The following TMEM131 variants were observed in gnomAD, a reference collection of about 807,000 sequenced individuals.
The protein encoded by TMEM131 is transmembrane protein 131.
TMEM131 carries 66 observed loss-of-function variants against 211.6 expected under a neutral mutation model. The ratio of observed to expected loss-of-function variants is 0.31; its 90% CI spans 0.26 to 0.38. The LOEUF (loss-of-function observed/expected upper bound fraction) is 0.38. TMEM131 is among the 10% of genes least tolerant of loss of function. TMEM131 has a pLI of 1.00. For synonymous variants in TMEM131, 844 were observed against 841.3 expected, an observed-to-expected ratio of 1.00 and a Z score of -0.06; for missense variants, 2,036 against 2,299.3, an observed-to-expected ratio of 0.89 and a Z score of 2.34.
intron 1 of TMEM131, among the ~76,000 whole-genome samples, chr2:97,937,174 A>G (rs1413557180): frequency 1.3e-5 from 2 of 152,176 alleles, no homozygotes; most frequent in African/African-American, 2.4e-5. Flanking sequence ...GTGCAAAACT[A>G]AAGTATGAGA....
At chr2:97,836,915 C>T (rs1682966901) in intron 8 of TMEM131, among the ~76,000 whole-genome samples, 162 bp downstream of exon 8, 1 of 152,118 alleles carries the variant, frequency 6.6e-6, no homozygotes, top group Non-Finnish European at 1.5e-5. Context: ...ATTCTTTCCT[C>T]CTCCAATTTT....
intron 1 of TMEM131, among the ~76,000 whole-genome samples, chr2:97,942,870 C>G (rs1480524249): frequency 6.6e-6 from 1 of 151,056 alleles, no homozygotes; most frequent in African/African-American, 2.4e-5. Context: ...GGCTGTAATC[C>G]CAGCACTTTA....
chr2:97,908,579 G>A, intron 3 of TMEM131, 79 bp downstream of exon 3: 2 of 1,028,194 alleles, frequency 1.9e-6, no homozygotes, highest in South Asian at 3.0e-5. Flanking sequence ...AAATGAGCAA[G>A]GGGAAAGAGG....
intron 28 of TMEM131, 61 bp from the exon 29 acceptor site, chr2:97,795,176 A>G (rs1294490929): frequency 1.6e-6 from 2 of 1,237,290 alleles, no homozygotes; most frequent in Non-Finnish European, 2.3e-6. Context: ...CAGTCTGCAT[A>G]TAATACTGGT....
At chr2:97,911,592 C>CCA (rs1176990823) in intron 2 of TMEM131, 58 of 982,482 alleles carry the variant, frequency 5.9e-5, no homozygotes, top group Non-Finnish European at 1.1e-5. Flanking sequence ...CAGAATCTGA[C>CCA]CACTGAAATT....
At chr2:97,822,055 CT>C (rs1682149266) in intron 11 of TMEM131, among the ~76,000 whole-genome samples, 1 of 152,216 alleles carries the variant, frequency 6.6e-6, no homozygotes, top group Non-Finnish European at 1.5e-5. Flanking sequence ...CCCTTGCCCC[CT>C]GGGTCCTAAT....
chr2:97,772,758 G>A (rs557159876), intron 32 of TMEM131, among the ~76,000 whole-genome samples: 8 of 152,328 alleles, frequency 5.3e-5, no homozygotes, highest in African/African-American at 1.9e-4. Context: ...CTAGCTGGGC[G>A]TGGTGGCGCA....
intron 22 of TMEM131, among the ~76,000 whole-genome samples, chr2:97,804,033 A>G (rs1190985834): frequency 2.0e-5 from 3 of 151,632 alleles, no homozygotes; most frequent in Non-Finnish European, 3.0e-5. Context: ...TTCATAGCAG[A>G]GAGTTCAGAT....
chr2:97,806,402 A>G (rs560209976), intron 19 of TMEM131, among the ~76,000 whole-genome samples: 13 of 152,266 alleles, frequency 8.5e-5, no homozygotes, highest in Admixed American at 5.2e-4. Context: ...ATTAGCAGGC[A>G]TGGTGGCACA....
In TMEM131 at chr2:97,964,420, T is replaced by C. The variant is rs531765709; in HGVS notation, c.187+31056A>G. Among the ~76,000 whole-genome samples the C allele has an allele frequency of 5.9e-5, 9 of 152,288 alleles. No homozygotes were observed. In the South Asian group the frequency reaches 1.0e-3, roughly 18 times the overall value. On this transcript the variant is annotated intron_variant, in intron 1 of 40. Coordinates refer to ENST00000186436, the MANE Select transcript of TMEM131 (RefSeq NM_015348.2). ...TAAATTCAGTTCCACTGCAAACAAA[T>C]TGCAGGGAAATACAGTTGGGAAAGA...
chr2:97,762,952 T>A (rs1269301750), intron 35 of TMEM131: 1 of 152,086 alleles, frequency 6.6e-6, no homozygotes, highest in Non-Finnish European at 1.5e-5. Context: ...ATTTTGCACA[T>A]CTATTGTGTG....
intron 1 of TMEM131, among the ~76,000 whole-genome samples, chr2:97,962,376 T>C (rs1463116720): frequency 6.6e-6 from 1 of 151,844 alleles, no homozygotes; most frequent in Non-Finnish European, 1.5e-5. Context: ...TGGTGGCGGG[T>C]GTCTGTAGTC....
chr2:97,780,818 C>T (rs1003953795), intron 31 of TMEM131, among the ~76,000 whole-genome samples: 2 of 152,158 alleles, frequency 1.3e-5, no homozygotes, highest in African/African-American at 4.8e-5. Flanking sequence ...ATTAACCCAT[C>T]TAAATAAAGA....
At chr2:97,968,581 CA>C (rs1468179190) in intron 1 of TMEM131, among the ~76,000 whole-genome samples, 1 of 152,136 alleles carries the variant, frequency 6.6e-6, no homozygotes, top group Admixed American at 6.5e-5. Flanking sequence ...CAGACAAAAA[CA>C]TAAGTTTCAG....
At chr2:97,972,222 A>C (rs1361885554) in intron 1 of TMEM131, among the ~76,000 whole-genome samples, 1 of 152,056 alleles carries the variant, frequency 6.6e-6, no homozygotes, top group African/African-American at 2.4e-5. Context: ...CCAACTGGAA[A>C]AATCCAGAAC....
intron 11 of TMEM131, 104 bp from the exon 12 acceptor site, chr2:97,818,825 A>G (rs906985502): frequency 2.4e-5 from 17 of 705,268 alleles, no homozygotes; most frequent in Non-Finnish European, 3.5e-5. Flanking sequence ...AGTGGACTCT[A>G]AATTTGAAAA....
At position 97,863,269 on chromosome 2, in the gene TMEM131, T is replaced by C. The variant is rs887603089; in HGVS notation, c.360-3842A>G. ...ATCAGATATATCTTACAAGAAATGC[T>C]AATGGGAGTTCTTTCAAACTGAAAG... On this transcript the variant is annotated intron_variant, in intron 4 of 40. Transcript: ENST00000186436. Among the ~76,000 whole-genome samples the C allele has an allele frequency of 3.3e-5, 5 of 152,300 alleles. No homozygotes were observed. The East Asian group carries it at 9.6e-4, about 29-fold the overall frequency.
intron 4 of TMEM131, among the ~76,000 whole-genome samples, chr2:97,860,432 T>G (rs2105180560): frequency 6.6e-6 from 1 of 152,308 alleles, no homozygotes. Flanking sequence ...ATGCAATCAT[T>G]TTGGTCCATG....
At chr2:97,908,810 T>G in intron 2 of TMEM131, 112 bp from the exon 3 acceptor site, 1 of 880,250 alleles carries the variant, frequency 1.1e-6, no homozygotes, top group Non-Finnish European at 1.7e-6. Flanking sequence ...TTTATACCCA[T>G]TTGGATTTTA....
Sources: allele counts gnomAD v4.1 joint callset (sites outside exome capture counted in the v4.1 genomes callset), GRCh38; gene constraint gnomAD v4.1.1; transcripts MANE v1.5; gene names NCBI Gene and HGNC (gene_info 2026-07-23, HGNC 2026-07-21).